Variants in CACNA2D3 observed in about 807,000 individuals in gnomAD.
The protein encoded by CACNA2D3 is calcium voltage-gated channel auxiliary subunit alpha2delta 3, also known as voltage-dependent calcium channel subunit alpha-2/delta-3.
A neutral mutation model predicts 160.6 loss-of-function variants in CACNA2D3; 60 were observed. The ratio of observed to expected loss-of-function variants is 0.37; its 90% CI spans 0.30 to 0.46. The LOEUF is 0.46. CACNA2D3 is among the 20% of genes least tolerant of loss of function. The probability of loss-of-function intolerance (pLI) is 1.00; values close to 1 mark genes in which losing one functional copy is unlikely to be tolerated. For missense variants in CACNA2D3, 1,205 were observed against 1,365.0 expected (o/e 0.88, Z 1.85); for synonymous variants, 558 against 492.9 (o/e 1.13, Z -1.75).
chr3:54,384,938 C>T (rs1422758429), intron 3 of CACNA2D3, among the ~76,000 whole-genome samples: 2 of 152,096 alleles, frequency 1.3e-5, no homozygotes, highest in Non-Finnish European at 2.9e-5. Flanking sequence ...CCAGGCTGGT[C>T]TCTAATTCCT....
chr3:54,380,902 T>G (rs1699092913), intron 3 of CACNA2D3, among the ~76,000 whole-genome samples: 1 of 152,178 alleles, frequency 6.6e-6, no homozygotes, highest in Non-Finnish European at 1.5e-5. Context: ...GATCTCTAAC[T>G]CTGGTATTAA....
chr3:54,969,894 A>AG (rs757124289), intron 29 of CACNA2D3, 50 bp downstream of exon 29: 63 of 1,539,030 alleles, frequency 4.1e-5, no homozygotes, highest in East Asian at 4.1e-4. Flanking sequence ...AGAAGGTGAC[A>AG]GATGGTGCTT....
At chr3:54,632,680 C>G (rs976049712) in intron 10 of CACNA2D3, 14 of 152,116 alleles carry the variant, frequency 9.2e-5, no homozygotes, top group African/African-American at 2.7e-4. Flanking sequence ...AGGTAAGAAT[C>G]CTAATATTTC....
intron 35 of CACNA2D3, among the ~76,000 whole-genome samples, chr3:55,036,073 A>AG (rs1283373226): frequency 2.0e-5 from 3 of 152,084 alleles, no homozygotes; most frequent in African/African-American, 7.3e-5. Flanking sequence ...GACAGGGTAA[A>AG]GGTAGTGACT....
chr3:54,354,496 C>T (rs560964609), intron 3 of CACNA2D3, among the ~76,000 whole-genome samples: 2 of 152,198 alleles, frequency 1.3e-5, no homozygotes, highest in South Asian at 4.2e-4. Flanking sequence ...TGGTGAGCTG[C>T]AAGTTAAATG....
At chr3:54,198,003 G>T (rs1701111297) in intron 2 of CACNA2D3, among the ~76,000 whole-genome samples, 1 of 152,198 alleles carries the variant, frequency 6.6e-6, no homozygotes, top group African/African-American at 2.4e-5. Flanking sequence ...TGTGTCTTTG[G>T]ACGTGATGAA....
chr3:54,219,565 C>T (rs181061385), intron 2 of CACNA2D3, among the ~76,000 whole-genome samples: 9 of 152,262 alleles, frequency 5.9e-5, no homozygotes, highest in African/African-American at 1.9e-4. Flanking sequence ...TCTCTTCCTT[C>T]GGGGGGATTT....
At chr3:54,229,929 T>G (rs1233683336) in intron 2 of CACNA2D3, among the ~76,000 whole-genome samples, 1 of 152,208 alleles carries the variant, frequency 6.6e-6, no homozygotes, top group Non-Finnish European at 1.5e-5. Flanking sequence ...TTGTTGTAAC[T>G]TCTTGTCATC....
At chr3:54,507,351 AC>A (rs144849752) in intron 5 of CACNA2D3, among the ~76,000 whole-genome samples, 2,937 of 152,188 alleles carry the variant, frequency 0.019, 72 homozygotes, top group East Asian at 0.084. Flanking sequence ...GATGGAAGTG[AC>A]TTTTGTTTAT....
intron 2 of CACNA2D3, among the ~76,000 whole-genome samples, chr3:54,209,111 C>T (rs922396527): frequency 6.6e-6 from 1 of 152,098 alleles, no homozygotes; most frequent in Non-Finnish European, 1.5e-5. Context: ...ATTATGGGAG[C>T]TACAATTTAA....
intron 35 of CACNA2D3, 63 bp downstream of exon 35, chr3:55,018,380 A>C (rs1703374643): frequency 1.5e-5 from 15 of 1,003,956 alleles, no homozygotes; most frequent in Non-Finnish European, 2.2e-5. Context: ...ACTTTCCCAG[A>C]TGGGTCTGTG....
At chr3:54,488,133 G>A (rs61244365) in intron 4 of CACNA2D3, among the ~76,000 whole-genome samples, 3,463 of 152,200 alleles carry the variant, frequency 0.023, 131 homozygotes, top group African/African-American at 0.079. Flanking sequence ...ATCCAAAGAC[G>A]GCCTGTGCAT....
chr3:54,783,424 G>A (rs1229593169), intron 13 of CACNA2D3, among the ~76,000 whole-genome samples: 2 of 151,960 alleles, frequency 1.3e-5, no homozygotes, highest in African/African-American at 4.8e-5. Flanking sequence ...TGGCCAACAT[G>A]GCGAAACCCC....
intron 9 of CACNA2D3, among the ~76,000 whole-genome samples, chr3:54,588,712 C>T (rs1239569255): frequency 6.6e-6 from 1 of 151,864 alleles, no homozygotes; most frequent in Non-Finnish European, 1.5e-5. Context: ...TATAATTGTT[C>T]CAAAGAAATA....
At chr3:54,226,710 A>C (rs1283060423) in intron 2 of CACNA2D3, among the ~76,000 whole-genome samples, 1 of 152,122 alleles carries the variant, frequency 6.6e-6, no homozygotes, top group East Asian at 1.9e-4. Flanking sequence ...AACACTGCCG[A>C]AAGCTCTGTT....
intron 13 of CACNA2D3, among the ~76,000 whole-genome samples, chr3:54,814,814 T>C (rs946311337): frequency 6.6e-6 from 1 of 151,546 alleles, no homozygotes; most frequent in South Asian, 2.1e-4. Flanking sequence ...AAAGATAAAA[T>C]AGAGAGAGAG....
At chr3:54,802,778 C>G (rs899018021) in intron 13 of CACNA2D3, among the ~76,000 whole-genome samples, 1 of 152,092 alleles carries the variant, frequency 6.6e-6, no homozygotes, top group Non-Finnish European at 1.5e-5. Context: ...TGACCCCTGA[C>G]CCCCAAGCAG....
rs961516025 is a variant in CACNA2D3 at position 54,506,538 on chromosome 3, G to A, written c.544+2884G>A. 3.9e-5 allele frequency among the ~76,000 whole-genome samples: 6 copies of A among 152,294 alleles called. 1 individual carries two copies. Among genetic ancestry groups the A allele is most frequent in the South Asian group, 2.1e-4 (1 of 4,814 alleles). Reference sequence around the variant, plus strand: ...GGCCTGGCAACTGGGCTGCTCAGCCGGGTTTGTGCTTTCCTCTCTGGCTGA... The same window carrying A: ...GGCCTGGCAACTGGGCTGCTCAGCCAGGTTTGTGCTTTCCTCTCTGGCTGA... On this transcript the variant is annotated intron_variant, in intron 5 of 37. Coordinates refer to ENST00000474759, the MANE Select transcript of CACNA2D3 (RefSeq NM_018398.3).
chr3:54,550,464 TCA>T (rs1702138191), intron 5 of CACNA2D3, among the ~76,000 whole-genome samples: 1 of 152,200 alleles, frequency 6.6e-6, no homozygotes, highest in South Asian at 2.1e-4. Context: ...CCTGGAGGTT[TCA>T]CACCCCCAAA....
Sources: allele counts gnomAD v4.1 joint callset (sites outside exome capture counted in the v4.1 genomes callset), GRCh38; gene constraint gnomAD v4.1.1; transcripts MANE v1.5; gene names NCBI Gene and HGNC (gene_info 2026-07-23, HGNC 2026-07-21).